ACAT2: variants seen among roughly 807,000 people sequenced by gnomAD.
ACAT2 encodes the protein acetyl-CoA acetyltransferase, cytosolic.
Under a neutral mutation model 37.1 loss-of-function variants are expected in ACAT2, and 26 were observed. The observed-to-expected ratio is 0.70, with a 90% CI of 0.51 to 0.97. The LOEUF (loss-of-function observed/expected upper bound fraction) is 0.97, where lower values mean the gene tolerates loss of function less well. ACAT2 is among the 50% of genes least tolerant of loss of function. The probability of loss-of-function intolerance (pLI) is 0.00; values close to 1 mark genes in which losing one functional copy is unlikely to be tolerated. For synonymous variants in ACAT2, 156 were observed against 163.6 expected, an observed-to-expected ratio of 0.95 and a Z score of 0.35; for missense variants, 468 against 489.0, an observed-to-expected ratio of 0.96 and a Z score of 0.40.
In ACAT2 at chr6:159,762,383, G is replaced by C. The variant is rs558674693; in HGVS notation, c.55+241G>C. On this transcript the variant is annotated intron_variant, in intron 1 of 8. Coordinates refer to ENST00000367048, the MANE Select transcript of ACAT2 (RefSeq NM_005891.3). ...CCCTCGTGCTTGGATTGGCTCCCGG[G>C]GTAGAGCCATCGCGTGGCCTGCCTC... 12 of 1,364,500 alleles carry C rather than the reference G, an allele frequency of 8.8e-6. No homozygotes were observed. In the African/African-American group the frequency reaches 8.8e-5, roughly 10 times the overall value. 84.5% of individuals were successfully genotyped at this position (1,364,500 alleles called of 1,614,324 possible).
Position 159,779,062 on chromosome 6 carries a change from C to A in ACAT2, c.*233C>A. 1 of 1,613,868 alleles carries A rather than the reference C, an allele frequency of 6.2e-7. No homozygotes were observed. On this transcript the variant is annotated 3_prime_UTR_variant, in exon 9 of 9. Transcript: ENST00000367048. ...ACATCAGATCAATCATTAAGGGCTCCAGAGTGAACAGCATCTTCATAACTT... is the reference window on the plus strand; with the variant it reads ...ACATCAGATCAATCATTAAGGGCTCAAGAGTGAACAGCATCTTCATAACTT...
intron 2 of ACAT2, among the ~76,000 whole-genome samples, chr6:159,766,325 A>G (rs1255037671): frequency 6.6e-6 from 1 of 152,134 alleles, no homozygotes; most frequent in Non-Finnish European, 1.5e-5. Context: ...GGCCCTAGTT[A>G]GAAACACTGA....
At position 159,768,563 on chromosome 6, in the gene ACAT2, T is replaced by A; in HGVS notation, c.425T>A (p.Leu142Gln). 6.2e-7 allele frequency: 1 copy of A among 1,614,100 alleles called. No individual in the cohort carries two copies. Among genetic ancestry groups the A allele is most frequent in the East Asian group, 2.2e-5 (1 of 44,884 alleles). The change falls in exon 4 of 9, where the codon CTG becomes CAG. Residue 142 changes from leucine to glutamine, a missense_variant. Transcript: ENST00000367048. The part of the protein sequence containing the change: ...RTGVKIGEMP[L>Q]TDSILCDGLT... ...GGAGTAAAGATAGGTGAGATGCCAC[T>A]GACTGACAGTATACTCTGTGATGGT...
intron 6 of ACAT2, among the ~76,000 whole-genome samples, 158 bp from the exon 7 acceptor site, chr6:159,777,144 G>T (rs945870584): frequency 6.6e-6 from 1 of 152,204 alleles, no homozygotes; most frequent in African/African-American, 2.4e-5. Flanking sequence ...TCAATATATT[G>T]CCAAACATAA....
At chr6:159,778,539 A>C (rs972436672) in intron 8 of ACAT2, 120 bp from the exon 9 acceptor site, 2 of 1,144,072 alleles carry the variant, frequency 1.7e-6, no homozygotes, top group African/African-American at 3.1e-5. Flanking sequence ...AAGCAGTTAA[A>C]ATGAAAATTT....
At chr6:159,776,342 CTTTA>C in intron 6 of ACAT2, 70 bp downstream of exon 6, 3 of 1,529,130 alleles carry the variant, frequency 2.0e-6, no homozygotes, top group Non-Finnish European at 2.6e-6. Context: ...ATATTTTTCT[CTTTA>C]TTTATATACA....
At chr6:159,765,379 G>C (rs1206263458) in intron 2 of ACAT2, among the ~76,000 whole-genome samples, 1 of 151,246 alleles carries the variant, frequency 6.6e-6, no homozygotes, top group Non-Finnish European at 1.5e-5. Flanking sequence ...GCCTCCCAAA[G>C]TGCTGGGATT....
chr6:159,778,253 T>A lies in ACAT2; in HGVS notation c.996T>A (p.Val332=). The change falls in exon 8 of 9, where the codon GTT becomes GTA. Residue 332 remains valine (V), a synonymous_variant. Transcript: ENST00000367048. ...EAFAAVSAAI[V]KELGLNPEKV... ...TTGCAGCTGTCTCTGCTGCAATAGT[T>A]AAAGAACTTGGATTAAACCCAGAGA... is the stretch of plus-strand genomic sequence containing the variant. 1 of 1,611,042 alleles carries A rather than the reference T, an allele frequency of 6.2e-7. No individual in the cohort carries two copies. The highest frequency in any genetic ancestry group is 1.1e-5 in the South Asian group (1 of 90,790).
chr6:159,777,215 A>G (rs1286393142), intron 6 of ACAT2, 87 bp from the exon 7 acceptor site: 23 of 1,411,816 alleles, frequency 1.6e-5, no homozygotes, highest in Non-Finnish European at 2.2e-5. Context: ...AAATCATTTA[A>G]CTCATGTCTT....
At chr6:159,774,464 T>G (rs888865278) in intron 4 of ACAT2, among the ~76,000 whole-genome samples, 1 of 152,148 alleles carries the variant, frequency 6.6e-6, no homozygotes, top group Non-Finnish European at 1.5e-5. Flanking sequence ...TTGTTTTGTT[T>G]TGTGAGACAG....
At chr6:159,766,174 GTA>G (rs1231131128) in intron 2 of ACAT2, among the ~76,000 whole-genome samples, 1 of 152,190 alleles carries the variant, frequency 6.6e-6, no homozygotes, top group African/African-American at 2.4e-5. Context: ...TTCTGAGTTT[GTA>G]TATATTTTGT....
intron 7 of ACAT2, 43 bp downstream of exon 7, chr6:159,777,499 T>C (rs764587229): frequency 6.3e-7 from 1 of 1,580,080 alleles, no homozygotes; most frequent in Admixed American, 1.8e-5. Flanking sequence ...TGTCTTCCTG[T>C]TAGCCTTAAG....
In ACAT2 at chr6:159,766,994, C is replaced by T. The variant is rs1780265964; in HGVS notation, c.191-11C>T. 3 of 1,613,630 alleles carry T rather than the reference C, an allele frequency of 1.9e-6. No homozygotes were observed. The African/African-American group carries it at 4.0e-5, about 22-fold the overall frequency. ...TTGATTGCTAAGAGTCCTCTGTGTT[C>T]CTCTTTCTAGGCTGTGGGCAGAATC... On this transcript the variant is annotated splice_polypyrimidine_tract_variant and intron_variant, in intron 2 of 8. Transcript: ENST00000367048.
intron 2 of ACAT2, 69 bp downstream of exon 2, chr6:159,763,122 ACACTCT>A: frequency 2.0e-6 from 3 of 1,515,980 alleles, no homozygotes; most frequent in Non-Finnish European, 2.7e-6. Flanking sequence ...ACACACACAC[ACACTCT>A]CACACACTCA....
chr6:159,762,049 T>C lies in ACAT2; in HGVS notation c.-39T>C. ...CTGCGAGGAGGAGCTTTGCCTAGCT[T>C]GCAGGCAGCGCAGGGCAGACGGCGG... On this transcript the variant is annotated 5_prime_UTR_variant, in exon 1 of 9. Coordinates refer to ENST00000367048, the MANE Select transcript of ACAT2 (RefSeq NM_005891.3). 1 of 1,609,218 alleles carries C rather than the reference T, an allele frequency of 6.2e-7. No individual in the cohort carries two copies.
Position 159,762,057 on chromosome 6 carries a change from G to C in ACAT2, c.-31G>C. ...AGGAGCTTTGCCTAGCTTGCAGGCA[G>C]CGCAGGGCAGACGGCGGCAGGAGAA... On this transcript the variant is annotated 5_prime_UTR_variant, in exon 1 of 9. Coordinates refer to ENST00000367048, the MANE Select transcript of ACAT2 (RefSeq NM_005891.3). 6.2e-7 allele frequency: 1 copy of C among 1,611,196 alleles called. No individual in the cohort carries two copies. Among genetic ancestry groups the C allele is most frequent in the Non-Finnish European group, 8.5e-7 (1 of 1,178,614 alleles).
In ACAT2 at chr6:159,778,207, T is replaced by C; in HGVS notation, c.950T>C (p.Ile317Thr). ...GGTTGGTCACTGGAAGATGTTGACA[T>C]ATTTGAAATCAATGAAGCCTTTGCA... ...KAGWSLEDVD[I>T]FEINEAFAAV... The change falls in exon 8 of 9, where the codon ATA becomes ACA. Residue 317 changes from isoleucine (I) to threonine (T), a missense_variant. By Grantham distance (89) the Ile-to-Thr change is moderately conservative. Coordinates refer to ENST00000367048, the MANE Select transcript of ACAT2 (RefSeq NM_005891.3). 1.2e-6 allele frequency: 2 copies of C among 1,613,050 alleles called. No individual in the cohort carries two copies. The highest frequency in any genetic ancestry group is 4.5e-5 in the East Asian group (2 of 44,842).
At chr6:159,772,781 C>T (rs1780357251) in intron 4 of ACAT2, among the ~76,000 whole-genome samples, 1 of 150,912 alleles carries the variant, frequency 6.6e-6, no homozygotes, top group Non-Finnish European at 1.5e-5. Flanking sequence ...GCACTCCAGC[C>T]TGGTCAACAT....
chr6:159,772,871 G>A (rs1189628687), intron 4 of ACAT2, among the ~76,000 whole-genome samples: 1 of 152,002 alleles, frequency 6.6e-6, no homozygotes, highest in Non-Finnish European at 1.5e-5. Flanking sequence ...AGAAAGCAAA[G>A]CAATAACTTT....
Sources: gnomAD v4.1 joint callset for allele counts (sites outside exome capture counted in the v4.1 genomes callset) on GRCh38, gnomAD v4.1.1 for gene constraint, MANE v1.5 for transcripts, NCBI Gene and HGNC (gene_info 2026-07-23, HGNC 2026-07-21) for gene names.